Variants in DCC observed in about 807,000 individuals in gnomAD.
DCC encodes DCC netrin 1 receptor, also known as netrin receptor DCC.
In DCC, 58 loss-of-function variants were observed where a neutral mutation model predicts 172.5. That is an observed-to-expected ratio of 0.34 (90% CI 0.27 to 0.42). DCC has a LOEUF of 0.42. Ranked by LOEUF, DCC falls within the 10% of genes least tolerant of loss-of-function variation. DCC has a pLI of 1.00. For synonymous variants in DCC, 709 were observed against 644.5 expected (o/e 1.10, Z -1.52); for missense variants, 1,740 against 1,791.0 (o/e 0.97, Z 0.51).
intron 27 of DCC, among the ~76,000 whole-genome samples, chr18:53,511,872 G>A (rs560715451): frequency 7.9e-4 from 120 of 152,306 alleles, no homozygotes; most frequent in Non-Finnish European, 1.5e-3. Context: ...ACTGCAAGGC[G>A]GCAGCGAGGC....
At chr18:52,765,023 C>CTTTTTTTTTTTTTTTT (rs963400763) in intron 2 of DCC, among the ~76,000 whole-genome samples, 1 of 142,366 alleles carries the variant, frequency 7.0e-6, no homozygotes, top group East Asian at 2.0e-4. Context: ...ATTTTCTTTT[C>CTTTTTTTTTTTTTTTT]TTTTTTTTCT....
chr18:53,385,162 A>G (rs1481822272), intron 15 of DCC, among the ~76,000 whole-genome samples: 2 of 151,890 alleles, frequency 1.3e-5, no homozygotes, highest in Non-Finnish European at 2.9e-5. Context: ...TTCTCAATAC[A>G]TAGAGCTCCC....
At chr18:52,467,178 T>C (rs994842366) in intron 1 of DCC, among the ~76,000 whole-genome samples, 1 of 152,126 alleles carries the variant, frequency 6.6e-6, no homozygotes, top group East Asian at 1.9e-4. Flanking sequence ...ATATTTCTCC[T>C]AATGCTATCC....
intron 1 of DCC, among the ~76,000 whole-genome samples, chr18:52,446,134 C>T (rs887272715): frequency 3.3e-5 from 5 of 152,044 alleles, no homozygotes; most frequent in Admixed American, 6.6e-5. Flanking sequence ...GGGGTTTCAC[C>T]GTGGTCTCGA....
At chr18:53,330,792 G>A (rs922175621) in intron 14 of DCC, among the ~76,000 whole-genome samples, 1 of 152,170 alleles carries the variant, frequency 6.6e-6, no homozygotes, top group East Asian at 1.9e-4. Flanking sequence ...CTCACTAGAT[G>A]TTTTACTTCT....
At chr18:52,405,054 G>A (rs932369882) in intron 1 of DCC, among the ~76,000 whole-genome samples, 135 of 151,612 alleles carry the variant, frequency 8.9e-4, no homozygotes, top group African/African-American at 3.1e-3. Context: ...TCTTAATCCA[G>A]TCTATCATTG....
chr18:52,560,584 A>G (rs1144079), intron 1 of DCC, among the ~76,000 whole-genome samples: 37,356 of 152,154 alleles, frequency 0.25, 4,718 homozygotes, highest in African/African-American at 0.29. Context: ...AAAACAAAAA[A>G]TGAAGGAAAG....
At chr18:52,710,386 A>T (rs946292569) in intron 1 of DCC, among the ~76,000 whole-genome samples, 1 of 152,250 alleles carries the variant, frequency 6.6e-6, no homozygotes, top group Non-Finnish European at 1.5e-5. Context: ...ACAAATTAAA[A>T]TAAGATAAAA....
At chr18:52,604,347 T>C (rs1204569815) in intron 1 of DCC, among the ~76,000 whole-genome samples, 2 of 152,114 alleles carry the variant, frequency 1.3e-5, no homozygotes, top group Non-Finnish European at 2.9e-5. Context: ...TCTATGTATA[T>C]CAGTTATGGT....
At chr18:52,697,830 T>G (rs1309955783) in intron 1 of DCC, among the ~76,000 whole-genome samples, 2 of 152,266 alleles carry the variant, frequency 1.3e-5, no homozygotes, top group East Asian at 1.9e-4. Flanking sequence ...CTGGAAGACG[T>G]TTTTGGAAAT....
At chr18:53,211,247 C>T (rs1000817477) in intron 11 of DCC, among the ~76,000 whole-genome samples, 13 of 152,148 alleles carry the variant, frequency 8.5e-5, no homozygotes, top group Non-Finnish European at 1.5e-4. Flanking sequence ...TTCATCCTCA[C>T]GATACTACTA....
chr18:52,598,964 A>G (rs150860644), intron 1 of DCC, among the ~76,000 whole-genome samples: 1 of 152,138 alleles, frequency 6.6e-6, no homozygotes, highest in African/African-American at 2.4e-5. Context: ...TTTTATAAGG[A>G]TAGCTAATTT....
intron 1 of DCC, among the ~76,000 whole-genome samples, chr18:52,425,125 G>A (rs1211635092): frequency 6.6e-6 from 1 of 152,060 alleles, no homozygotes; most frequent in Admixed American, 6.6e-5. Flanking sequence ...GATATTTCCT[G>A]TATTAGAAAG....
intron 5 of DCC, among the ~76,000 whole-genome samples, chr18:52,941,865 C>T (rs8087529): frequency 0.24 from 35,888 of 152,034 alleles, 4,480 homozygotes; most frequent in Admixed American, 0.31. Context: ...TCACTGCAAT[C>T]TCTGCCTGCC....
intron 1 of DCC, among the ~76,000 whole-genome samples, chr18:52,342,956 C>A (rs971804571): frequency 6.6e-6 from 1 of 152,286 alleles, no homozygotes; most frequent in East Asian, 1.9e-4. Flanking sequence ...CCTCAACAGA[C>A]AGATCTATGC....
chr18:53,514,220 G>T (rs1168947818), intron 27 of DCC, among the ~76,000 whole-genome samples: 1 of 152,066 alleles, frequency 6.6e-6, no homozygotes, highest in African/African-American at 2.4e-5. Context: ...ATAACGAAAT[G>T]AAGGCAGAAA....
At chr18:53,351,355 T>TATATATATATATAC (rs2057799600) in intron 15 of DCC, among the ~76,000 whole-genome samples, 1 of 49,644 alleles carries the variant, frequency 2.0e-5, no homozygotes, top group Non-Finnish European at 5.4e-5. Context: ...ATATACACAG[T>TATATATATATATAC]ATATATATAT....
intron 1 of DCC, among the ~76,000 whole-genome samples, chr18:52,404,917 G>T (rs1408231488): frequency 6.7e-6 from 1 of 150,278 alleles, no homozygotes; most frequent in African/African-American, 2.5e-5. Flanking sequence ...GCGGTGTTTG[G>T]TTTTTTGTTC....
chr18:52,777,039 T>A (rs9949728), intron 2 of DCC, among the ~76,000 whole-genome samples: 7,572 of 152,232 alleles, frequency 0.05, 263 homozygotes, highest in South Asian at 0.16. Context: ...TGTTTTTCCA[T>A]TATGGGATTT....
Sources: allele counts gnomAD v4.1 joint callset (sites outside exome capture counted in the v4.1 genomes callset), GRCh38; gene constraint gnomAD v4.1.1; transcripts MANE v1.5; gene names NCBI Gene and HGNC (gene_info 2026-07-23, HGNC 2026-07-21).